Variants in TFCP2 observed in about 807,000 individuals in gnomAD.
TFCP2 encodes the protein alpha-globin transcription factor CP2.
A neutral mutation model predicts 73.4 loss-of-function variants in TFCP2; 33 were observed. The ratio of observed to expected loss-of-function variants is 0.45; its 90% confidence interval spans 0.34 to 0.60. TFCP2 has a LOEUF of 0.60. TFCP2 is among the 20% of genes least tolerant of loss of function. The pLI is 0.01. For synonymous variants in TFCP2, 193 were observed against 211.6 expected, an observed-to-expected ratio of 0.91 and a Z score of 0.76; for missense variants, 352 against 604.0, an observed-to-expected ratio of 0.58 and a Z score of 4.37.
At chr12:51,152,271 A>C (rs766100804) in intron 1 of TFCP2, among the ~76,000 whole-genome samples, 7 of 152,208 alleles carry the variant, frequency 4.6e-5, no homozygotes, top group African/African-American at 2.4e-5. Flanking sequence ...AGGAAACAAC[A>C]GACAAAAACA....
chr12:51,149,145 AT>A (rs1307194921), intron 1 of TFCP2, among the ~76,000 whole-genome samples: 2 of 152,102 alleles, frequency 1.3e-5, no homozygotes, highest in African/African-American at 4.8e-5. Context: ...ACTAGAGCCC[AT>A]TACTCTAAGT....
intron 13 of TFCP2, among the ~76,000 whole-genome samples, chr12:51,098,076 A>G (rs931686484): frequency 6.6e-6 from 1 of 152,080 alleles, no homozygotes; most frequent in Admixed American, 6.6e-5. Flanking sequence ...ATAAGAGTTC[A>G]AGGAAACAGA....
At chr12:51,159,347 T>C (rs970361951) in intron 1 of TFCP2, among the ~76,000 whole-genome samples, 2 of 139,406 alleles carry the variant, frequency 1.4e-5, no homozygotes, top group Non-Finnish European at 3.0e-5. Context: ...TTATTTTTTA[T>C]TTTTTTTTGA....
At chr12:51,142,203 CAAAAAAA>C (rs3053458) in intron 1 of TFCP2, among the ~76,000 whole-genome samples, 4 of 52,742 alleles carry the variant, frequency 7.6e-5, no homozygotes, top group Non-Finnish European at 9.1e-5. Flanking sequence ...GACTCTGTCG[CAAAAAAA>C]AAAAAAAAAA....
intron 1 of TFCP2, chr12:51,125,499 C>T: frequency 1.4e-5 from 5 of 360,952 alleles, no homozygotes; most frequent in South Asian, 1.1e-4. Context: ...TCTCCCTCTC[C>T]CAGCCTTGTA....
rs565105709 is a variant in TFCP2, at chr12:51,164,838, TAA to T, written c.122+7461_122+7462del. On this transcript the variant is annotated intron_variant, in intron 1 of 14. Transcript: ENST00000257915. ...GTACCAAAACTGACTCAGAAAAAAT[TAA>T]AAGTCTCAACAAACCTATAATAAGA... is the stretch of plus-strand genomic sequence containing the variant. Among the ~76,000 whole-genome samples the T allele has an allele frequency of 2.2e-4, 34 of 151,858 alleles. 1 individual carries two copies. In the East Asian group the frequency reaches 5.0e-3, roughly 22 times the overall value.
intron 1 of TFCP2, among the ~76,000 whole-genome samples, chr12:51,132,153 A>C (rs1940957212): frequency 6.6e-6 from 1 of 152,122 alleles, no homozygotes; most frequent in South Asian, 2.1e-4. Flanking sequence ...TAAACATCAT[A>C]AAAACCACTT....
At chr12:51,160,727 G>A (rs759450680) in intron 1 of TFCP2, among the ~76,000 whole-genome samples, 4 of 152,056 alleles carry the variant, frequency 2.6e-5, no homozygotes, top group African/African-American at 7.3e-5. Flanking sequence ...AGGACTCTGG[G>A]GTCTAATGAA....
At chr12:51,157,009 CTTT>C (rs374138089) in intron 1 of TFCP2, 1 of 28,674 alleles carries the variant, frequency 3.5e-5, no homozygotes, top group African/African-American at 1.2e-4. Context: ...ATTATAATCT[CTTT>C]TTTTTCTTTT....
chr12:51,164,278 T>C (rs912964526), intron 1 of TFCP2, among the ~76,000 whole-genome samples: 3 of 151,686 alleles, frequency 2.0e-5, no homozygotes, highest in African/African-American at 4.8e-5. Context: ...AAACCAAAAA[T>C]TTGTTATTTA....
chr12:51,125,055 G>A lies in TFCP2; in HGVS notation c.123-6283C>T, dbSNP rs563798181. 6.0e-5 allele frequency: 45 copies of A among 749,470 alleles called. 1 individual carries two copies. The highest frequency in any genetic ancestry group is 5.4e-4 in the South Asian group (39 of 72,238). The allele number at this position is 749,470 out of a possible 1,614,324, so 46.4% of individuals were successfully genotyped here. A position where few individuals can be genotyped will look rare whatever the true frequency, so the allele number is the denominator to read the frequency against. ...CTTGAGGATCTCGGTCGTGATGTAC[G>A]TCAGCACAGGCTCATCATAGTCCTC... On this transcript the variant is annotated intron_variant, in intron 1 of 14. Coordinates refer to ENST00000257915, the MANE Select transcript of TFCP2 (RefSeq NM_005653.5).
At chr12:51,111,909 C>A (rs999944633) in intron 4 of TFCP2, among the ~76,000 whole-genome samples, 2 of 151,994 alleles carry the variant, frequency 1.3e-5, no homozygotes, top group African/African-American at 4.8e-5. Flanking sequence ...GTTATCCCAG[C>A]ACTTTGGGAG....
rs1035113108 is a variant in TFCP2 at position 51,110,866 on chromosome 12, C to T, written c.564+11G>A. On this transcript the variant is annotated intron_variant, in intron 5 of 14. Transcript: ENST00000257915. ...CTCTTCAAAACTGGAACCCTATCTG[C>T]AACGCCTTACCTGAATAAACACAGA... The T allele has an allele frequency of 8.2e-6, 13 of 1,587,878 alleles. No homozygotes were observed. The highest frequency in any genetic ancestry group is 3.3e-5 in the Admixed American group (2 of 59,760).
intron 10 of TFCP2, 103 bp downstream of exon 10, chr12:51,103,567 T>TCATACA: frequency 1.3e-6 from 1 of 779,746 alleles, no homozygotes; most frequent in Non-Finnish European, 2.1e-6. Context: ...GTAAGATCTC[T>TCATACA]CATACACATA....
chr12:51,125,304 C>A, intron 1 of TFCP2: 1 of 539,290 alleles, frequency 1.9e-6, no homozygotes, highest in East Asian at 4.7e-5. Flanking sequence ...AAGATGACAG[C>A]TCTGTGCCCA....
At chr12:51,099,881 G>A in intron 11 of TFCP2, 102 bp from the exon 12 acceptor site, 3 of 1,388,412 alleles carry the variant, frequency 2.2e-6, no homozygotes, top group Non-Finnish European at 2.9e-6. Flanking sequence ...TAGAGCAGAT[G>A]AAAATTGGAA....
At chr12:51,172,207 A>G in intron 1 of TFCP2, 94 bp downstream of exon 1, 1 of 1,515,150 alleles carries the variant, frequency 6.6e-7, no homozygotes, top group Non-Finnish European at 8.9e-7. Context: ...GCTTTTTAAA[A>G]CTCTATACAC....
chr12:51,135,408 C>T (rs1941039995), intron 1 of TFCP2, among the ~76,000 whole-genome samples: 1 of 148,634 alleles, frequency 6.7e-6, no homozygotes, highest in Non-Finnish European at 1.5e-5. Context: ...GCCTGGGTGA[C>T]AGAGTGAGAC....
chr12:51,112,750 C>A (rs186593812), intron 4 of TFCP2, among the ~76,000 whole-genome samples: 101 of 151,828 alleles, frequency 6.7e-4, no homozygotes, highest in African/African-American at 2.4e-3. Context: ...GCCTATAATC[C>A]CAGCTACTCA....
Sources: gnomAD v4.1 joint callset for allele counts (sites outside exome capture counted in the v4.1 genomes callset) on GRCh38, gnomAD v4.1.1 for gene constraint, MANE v1.5 for transcripts, NCBI Gene and HGNC (gene_info 2026-07-23, HGNC 2026-07-21) for gene names.